ATP2B1: variants seen among roughly 807,000 people sequenced by gnomAD.
ATP2B1 encodes the protein plasma membrane calcium-transporting ATPase 1.
Under a neutral mutation model 124.2 loss-of-function variants are expected in ATP2B1, and 14 were observed. The observed-to-expected ratio is 0.11, with a 90% CI of 0.07 to 0.18. The LOEUF (loss-of-function observed/expected upper bound fraction) is 0.18. Among genes scored for constraint, ATP2B1 ranks in the 10% least tolerant of loss-of-function variants. The pLI is 1.00. For synonymous variants in ATP2B1, 449 were observed against 492.4 expected, an observed-to-expected ratio of 0.91 and a Z score of 1.17; for missense variants, 763 against 1,466.1, an observed-to-expected ratio of 0.52 and a Z score of 7.83.
chr12:89,655,655 A>G, intron 2 of ATP2B1, 24 bp downstream of exon 2: 1 of 1,607,206 alleles, frequency 6.2e-7, no homozygotes, highest in Non-Finnish European at 8.5e-7. Flanking sequence ...ACAAAGAACC[A>G]AAAACAAGCA....
chr12:89,700,504 A>C (rs1025513884), intron 1 of ATP2B1, among the ~76,000 whole-genome samples: 3 of 152,218 alleles, frequency 2.0e-5, no homozygotes, highest in Admixed American at 6.5e-5. Context: ...AAAAGGACAG[A>C]AGTATAGCAA....
intron 19 of ATP2B1, among the ~76,000 whole-genome samples, chr12:89,600,167 TAAG>T (rs1875509013): frequency 6.6e-6 from 1 of 152,056 alleles, no homozygotes. Context: ...TCAAAATAGA[TAAG>T]AAACCTCAGA....
At chr12:89,682,898 G>A (rs1889525042) in intron 1 of ATP2B1, among the ~76,000 whole-genome samples, 1 of 151,942 alleles carries the variant, frequency 6.6e-6, no homozygotes, top group African/African-American at 2.4e-5. Flanking sequence ...TGAGACAGAA[G>A]TAACAAATTT....
At chr12:89,701,708 G>A (rs1891871029) in intron 1 of ATP2B1, among the ~76,000 whole-genome samples, 1 of 152,172 alleles carries the variant, frequency 6.6e-6, no homozygotes, top group Non-Finnish European at 1.5e-5. Context: ...CAATGTGGCA[G>A]TTAATTTGGT....
intron 1 of ATP2B1, among the ~76,000 whole-genome samples, chr12:89,705,947 G>A (rs1285787090): frequency 6.6e-6 from 1 of 152,138 alleles, no homozygotes; most frequent in Non-Finnish European, 1.5e-5. Flanking sequence ...TTGTAAGTAA[G>A]ACTATATGTA....
intron 20 of ATP2B1, chr12:89,593,176 C>T (rs1260325406): frequency 6.6e-6 from 1 of 151,954 alleles, no homozygotes; most frequent in African/African-American, 2.4e-5. Flanking sequence ...GTAATTCATT[C>T]AGTGTTTTAT....
chr12:89,665,862 A>C (rs144927123), intron 1 of ATP2B1, among the ~76,000 whole-genome samples: 23 of 152,348 alleles, frequency 1.5e-4, no homozygotes, highest in African/African-American at 4.8e-4. Flanking sequence ...TATGTCACTG[A>C]AAAGAGCTCA....
chr12:89,623,760 C>A (rs1041660649), intron 9 of ATP2B1, among the ~76,000 whole-genome samples: 30 of 152,280 alleles, frequency 2.0e-4, no homozygotes, highest in African/African-American at 6.7e-4. Flanking sequence ...GCATTTTACT[C>A]TAATTGTCAT....
chr12:89,687,013 A>G lies in ATP2B1; in HGVS notation c.-222+21583T>C, dbSNP rs1049553161. Among the ~76,000 whole-genome samples the G allele has an allele frequency of 1.4e-4, 21 of 151,844 alleles. No individual in the cohort carries two copies. In the East Asian group the frequency reaches 1.9e-3, roughly 14 times the overall value. On this transcript the variant is annotated intron_variant, in intron 1 of 20. Transcript: ENST00000428670. ...CCACGAATAGAAAATATTCGGGGGGAAAAAAAAGGATGTGTCTGAGCATTT... is the reference window on the plus strand; with the variant it reads ...CCACGAATAGAAAATATTCGGGGGGGAAAAAAAGGATGTGTCTGAGCATTT...
chr12:89,648,099 A>G (rs1884745866), intron 2 of ATP2B1, among the ~76,000 whole-genome samples: 1 of 152,146 alleles, frequency 6.6e-6, no homozygotes, highest in East Asian at 1.9e-4. Context: ...AAATGAACAC[A>G]CACAGAAAAT....
At chr12:89,605,606 T>TA (rs1335595729) in intron 15 of ATP2B1, among the ~76,000 whole-genome samples, 1 of 152,188 alleles carries the variant, frequency 6.6e-6, no homozygotes, top group Non-Finnish European at 1.5e-5. Flanking sequence ...TATTAAGTCT[T>TA]AGATATTCTG....
At chr12:89,702,650 C>G (rs1593024438) in intron 1 of ATP2B1, among the ~76,000 whole-genome samples, 1 of 152,108 alleles carries the variant, frequency 6.6e-6, no homozygotes. Context: ...CAGGTCTGTA[C>G]AGTAGTCATG....
At chr12:89,628,250 A>G (rs2136137715) in intron 6 of ATP2B1, among the ~76,000 whole-genome samples, 1 of 152,066 alleles carries the variant, frequency 6.6e-6, no homozygotes, top group South Asian at 2.1e-4. Context: ...TAAAAATAAA[A>G]AATTAGCCGG....
At chr12:89,628,811 A>G (rs943861052) in intron 6 of ATP2B1, among the ~76,000 whole-genome samples, 27 of 152,312 alleles carry the variant, frequency 1.8e-4, no homozygotes, top group African/African-American at 5.8e-4. Flanking sequence ...AGATAGTAAG[A>G]TAATACCTAG....
intron 1 of ATP2B1, among the ~76,000 whole-genome samples, chr12:89,673,723 C>T (rs150052931): frequency 0.024 from 3,604 of 152,210 alleles, 61 homozygotes; most frequent in Middle Eastern, 0.061. Context: ...GGATTTTCAT[C>T]TCCAAGATAA....
chr12:89,610,550 T>G, intron 13 of ATP2B1, 42 bp from the exon 14 acceptor site: 1 of 1,509,970 alleles, frequency 6.6e-7, no homozygotes, highest in Non-Finnish European at 9.2e-7. Context: ...CAAACATAGT[T>G]TCTTAAATCC....
chr12:89,592,383 G>C (rs1468880489), intron 20 of ATP2B1, among the ~76,000 whole-genome samples: 1 of 151,926 alleles, frequency 6.6e-6, no homozygotes, highest in Non-Finnish European at 1.5e-5. Flanking sequence ...CTAGAAAAAA[G>C]ATGCGGTCAC....
Position 89,635,101 on chromosome 12 carries a change from C to T in ATP2B1, c.557G>A (p.Ser186Asn). The T allele has an allele frequency of 6.2e-7, 1 of 1,613,988 alleles. No individual in the cohort carries two copies. Among genetic ancestry groups the T allele is most frequent in the Non-Finnish European group, 8.5e-7 (1 of 1,179,902 alleles). Residue 186 changes from serine to asparagine, a missense_variant, in exon 4 of 21, where the codon AGC becomes AAC. By Grantham distance (46) the Ser-to-Asn change is conservative. Coordinates refer to ENST00000428670, the MANE Select transcript of ATP2B1 (RefSeq NM_001366521.1). ...GAACTTCTGTTCTTGTTCAATTCGG[C>T]TCTGCAAACCTCTAAACTGTTTTTC... ...SKEKQFRGLQ[S>N]RIEQEQKFTV...
At chr12:89,684,725 T>C (rs1889759127) in intron 1 of ATP2B1, among the ~76,000 whole-genome samples, 1 of 152,174 alleles carries the variant, frequency 6.6e-6, no homozygotes, top group African/African-American at 2.4e-5. Flanking sequence ...TAAAACTTAA[T>C]CTTTTCCTTT....
Sources: allele counts gnomAD v4.1 joint callset (sites outside exome capture counted in the v4.1 genomes callset), GRCh38; gene constraint gnomAD v4.1.1; transcripts MANE v1.5; gene names NCBI Gene and HGNC (gene_info 2026-07-23, HGNC 2026-07-21).